The following PDGFRB variants were observed in gnomAD, a reference collection of about 807,000 sequenced individuals.
The protein encoded by PDGFRB is platelet derived growth factor receptor beta.
PDGFRB carries 42 observed loss-of-function variants against 120.2 expected under a neutral mutation model. The ratio of observed to expected loss-of-function variants is 0.35; its 90% CI spans 0.27 to 0.45. The LOEUF is 0.45. Ranked by LOEUF, PDGFRB falls within the 20% of genes least tolerant of loss-of-function variation. The pLI is 1.00. For synonymous variants in PDGFRB, 586 were observed against 606.8 expected (o/e 0.97, Z 0.50); for missense variants, 1,149 against 1,476.3 (o/e 0.78, Z 3.63).
intron 9 of PDGFRB, among the ~76,000 whole-genome samples, chr5:150,130,333 G>A (rs1195292574): frequency 6.6e-6 from 1 of 152,146 alleles, no homozygotes; most frequent in Non-Finnish European, 1.5e-5. Flanking sequence ...CACTTTGCTA[G>A]GCCAAACTGC....
chr5:150,149,693 T>G (rs1189694446), intron 1 of PDGFRB, among the ~76,000 whole-genome samples: 1 of 152,202 alleles, frequency 6.6e-6, no homozygotes, highest in Non-Finnish European at 1.5e-5. Flanking sequence ...CACCTTTACC[T>G]TCAATGCTCT....
At chr5:150,145,304 A>T (rs1439907170) in intron 1 of PDGFRB, among the ~76,000 whole-genome samples, 5 of 152,264 alleles carry the variant, frequency 3.3e-5, no homozygotes, top group African/African-American at 1.2e-4. Context: ...TTGACTTTAC[A>T]TTATCAGTAA....
chr5:150,140,800 C>T (rs1207249862), intron 1 of PDGFRB, among the ~76,000 whole-genome samples: 1 of 152,132 alleles, frequency 6.6e-6, no homozygotes, highest in Non-Finnish European at 1.5e-5. Context: ...GCCCCAAGTC[C>T]AGGAGAGCAA....
chr5:150,144,202 C>T (rs981683378), intron 1 of PDGFRB, among the ~76,000 whole-genome samples: 3 of 152,192 alleles, frequency 2.0e-5, no homozygotes, highest in African/African-American at 7.2e-5. Flanking sequence ...CAATCTGTCC[C>T]CTCCACCTGT....
intron 1 of PDGFRB, among the ~76,000 whole-genome samples, chr5:150,141,117 C>T (rs1272309389): frequency 1.3e-5 from 2 of 152,214 alleles, no homozygotes; most frequent in African/African-American, 4.8e-5. Context: ...CATACGTATG[C>T]AAGAGGCCAT....
intron 1 of PDGFRB, among the ~76,000 whole-genome samples, chr5:150,149,091 T>C (rs1338025946): frequency 6.6e-6 from 1 of 152,162 alleles, no homozygotes; most frequent in Non-Finnish European, 1.5e-5. Context: ...AAGGTGTTGA[T>C]AGTGATGGCG....
chr5:150,141,576 T>C (rs944990629), intron 1 of PDGFRB, among the ~76,000 whole-genome samples: 2 of 152,328 alleles, frequency 1.3e-5, no homozygotes, highest in South Asian at 2.1e-4. Context: ...ACCGCTTCTC[T>C]GACCAACGTG....
At position 150,134,840 on chromosome 5, in the gene PDGFRB, C is replaced by G. The variant is rs574853772; in HGVS notation, c.541G>C (p.Gly181Arg). 3.7e-6 allele frequency: 6 copies of G among 1,614,222 alleles called. No homozygotes were observed. Among genetic ancestry groups the G allele is most frequent in the Non-Finnish European group, 5.1e-6 (6 of 1,180,032 alleles). ...ATGTAGCTTCTGTCCTCAAAGATAC[C>G]AGAAAAGCCACGTTGGTGATCATAG... ...VPYDHQRGFS[G>R]IFEDRSYICK... is the part of the protein sequence containing the mutation. The change falls in exon 4 of 23, where the codon GGT becomes CGT. Residue 181 changes from glycine to arginine, a missense_variant. Physicochemically the swap from Gly to Arg is moderately radical, Grantham distance 125. Around this residue, in one of 3 missense-constraint regions of PDGFRB, gnomAD observed 879 missense variants for 1,108.6 expected, o/e 0.79. Coordinates refer to ENST00000261799, the MANE Select transcript of PDGFRB (RefSeq NM_002609.4).
rs771859820 is a variant in PDGFRB, at chr5:150,125,447, AG to A, written c.1804del (p.Leu602TrpfsTer21). On this transcript the variant is annotated frameshift_variant, in exon 12 of 23. Transcript: ENST00000261799. LOFTEE classifies it high-confidence loss of function. The stretch of plus-strand genomic sequence containing the variant: ...ACATGAGGCCTCTCAGGACTGACCC[AG>A]CACAAGCTGGTCCCGCGGCAGCTCC... ...TWELPRDQLV[L>X]GRTLGSGAFG... The A allele has an allele frequency of 1.1e-5, 17 of 1,611,540 alleles. No homozygotes were observed.
Position 150,132,788 on chromosome 5 carries a change from G to A in PDGFRB, c.1089C>T (p.Gly363=), listed in dbSNP as rs10075631. The stretch of plus-strand genomic sequence containing the variant: ...CGTTGCGCGTGGACAGGGCGATTTC[G>A]CCAGCGCTGGAGTCGCCCAGGGTGC... The part of the protein sequence containing the change: ...DNRTLGDSSA[G]EIALSTRNVS... The change falls in exon 7 of 23, where the codon GGC becomes GGT. Residue 363 remains glycine (G), a synonymous_variant. Transcript: ENST00000261799. The surrounding 1 kb of genome is among the most constrained non-coding windows in gnomAD (Gnocchi z 5.0). 40 of 1,612,896 alleles carry A rather than the reference G, an allele frequency of 2.5e-5. No homozygotes were observed. The highest frequency in any genetic ancestry group is 3.3e-4 in the Middle Eastern group (2 of 6,076).
chr5:150,121,196 A>C lies in PDGFRB; in HGVS notation c.2463+8T>G, dbSNP rs2113889439. 1 of 1,402,598 alleles carries C rather than the reference A, an allele frequency of 7.1e-7. No homozygotes were observed. Among genetic ancestry groups the C allele is most frequent in the Non-Finnish European group, 1.0e-6 (1 of 987,522 alleles). The allele number at this position is 1,402,598 out of a possible 1,614,324, so 86.9% of individuals were successfully genotyped here. A position where few individuals can be genotyped will look rare whatever the true frequency, so the allele number is the denominator to read the frequency against. On this transcript the variant is annotated splice_region_variant and intron_variant, in intron 17 of 22. Coordinates refer to ENST00000261799, the MANE Select transcript of PDGFRB (RefSeq NM_002609.4). This position sits in a 1 kb window ranked among gnomAD's most constrained non-coding sequence, Gnocchi z 4.1. ...GCCCCCACTCTGCCCCACCAACACCACACGTACGTTCTTGGAGGCCAGAAA... is the reference window on the plus strand; with the variant it reads ...GCCCCCACTCTGCCCCACCAACACCCCACGTACGTTCTTGGAGGCCAGAAA...
intron 1 of PDGFRB, among the ~76,000 whole-genome samples, chr5:150,142,299 G>A (rs1275511623): frequency 6.6e-6 from 1 of 152,226 alleles, no homozygotes; most frequent in Non-Finnish European, 1.5e-5. Context: ...TGAGGCTGGT[G>A]GCTCAAGGCC....
chr5:150,142,680 C>T (rs1156588478), intron 1 of PDGFRB, among the ~76,000 whole-genome samples: 2 of 151,526 alleles, frequency 1.3e-5, no homozygotes, highest in African/African-American at 2.4e-5. Context: ...ATGCCTGAAA[C>T]TTTGGATAAA....
intron 6 of PDGFRB, 73 bp from the exon 7 acceptor site, chr5:150,133,015 G>T: frequency 3.7e-6 from 4 of 1,068,832 alleles, no homozygotes; most frequent in Non-Finnish European, 4.1e-6. Context: ...AGGCCAGCCT[G>T]TGGGGTGGGG....
chr5:150,123,801 T>G (rs1469019781), intron 14 of PDGFRB, among the ~76,000 whole-genome samples: 1 of 152,030 alleles, frequency 6.6e-6, no homozygotes, highest in Non-Finnish European at 1.5e-5. Flanking sequence ...GGTGATAACA[T>G]TTTTTTTCAG....
intron 6 of PDGFRB, among the ~76,000 whole-genome samples, chr5:150,133,268 G>A (rs987635557): frequency 6.6e-6 from 1 of 152,222 alleles, no homozygotes; most frequent in Admixed American, 6.5e-5. Context: ...ATGGCAGTTG[G>A]GCTTGGAAGT....
In PDGFRB at chr5:150,127,255, C is replaced by T. The variant is rs148640416; in HGVS notation, c.1580-641G>A. ...ACAAGCCTCGAGTCTCCTCCACCCT[C>T]AAGGCCTCAGCCTCTTCGCTGTACA... On this transcript the variant is annotated intron_variant, in intron 10 of 22. Transcript: ENST00000261799. Among the ~76,000 whole-genome samples the T allele has an allele frequency of 2.0e-5, 3 of 152,334 alleles. No homozygotes were observed. The East Asian group carries it at 5.8e-4, about 29-fold the overall frequency.
chr5:150,142,714 T>C (rs901845401), intron 1 of PDGFRB, among the ~76,000 whole-genome samples: 7 of 152,210 alleles, frequency 4.6e-5, no homozygotes, highest in African/African-American at 1.7e-4. Context: ...CATACTATGT[T>C]CTTTTCCCTG....
intron 6 of PDGFRB, among the ~76,000 whole-genome samples, chr5:150,133,317 G>A (rs945320250): frequency 4.6e-5 from 7 of 152,184 alleles, no homozygotes; most frequent in Non-Finnish European, 7.3e-5. Flanking sequence ...AGAAAGTCTA[G>A]GTTGAGATAG....
Sources: gnomAD v4.1 joint callset for allele counts (sites outside exome capture counted in the v4.1 genomes callset) on GRCh38, gnomAD v4.1.1 for gene constraint, gnomAD v4.1.1 regional missense constraint, Gnocchi (gnomAD v3.1) non-coding constraint, MANE v1.5 for transcripts, NCBI Gene and HGNC (gene_info 2026-07-23, HGNC 2026-07-21) for gene names.